The following KIDINS220 variants were observed in gnomAD, a reference collection of about 807,000 sequenced individuals.
The protein encoded by KIDINS220 is kinase D interacting substrate 220, also known as kinase D-interacting substrate of 220 kDa.
Under a neutral mutation model 157.6 loss-of-function variants are expected in KIDINS220, and 63 were observed. The observed-to-expected ratio is 0.40, with a 90% CI of 0.33 to 0.49. The LOEUF is 0.49. Ranked by LOEUF, KIDINS220 falls within the 20% of genes least tolerant of loss-of-function variation. The pLI, the probability that KIDINS220 is intolerant of heterozygous loss-of-function variation, is 0.66. For missense variants in KIDINS220, 1,772 were observed against 2,171.2 expected (o/e 0.82, Z 3.65); for synonymous variants, 732 against 783.6 (o/e 0.93, Z 1.10).
intron 20 of KIDINS220, among the ~76,000 whole-genome samples, chr2:8,778,314 C>A (rs1181599904): frequency 4.6e-5 from 7 of 152,168 alleles, no homozygotes; most frequent in Non-Finnish European, 1.0e-4. Flanking sequence ...GCTATGGTGG[C>A]AACAGGCATA....
At chr2:8,786,961 T>C (rs1370569218) in intron 15 of KIDINS220, among the ~76,000 whole-genome samples, 1 of 152,212 alleles carries the variant, frequency 6.6e-6, no homozygotes, top group Non-Finnish European at 1.5e-5. Flanking sequence ...AGTCTCTGAA[T>C]CATTATTATT....
chr2:8,799,203 TTCTAATTTTC>T (rs994211864), intron 9 of KIDINS220, among the ~76,000 whole-genome samples: 22 of 152,084 alleles, frequency 1.4e-4, no homozygotes, highest in African/African-American at 4.6e-4. Flanking sequence ...GTCTTTCACT[TTCTAATTTTC>T]TCTAATTTTC....
intron 22 of KIDINS220, among the ~76,000 whole-genome samples, chr2:8,769,202 G>A (rs953268217): frequency 6.6e-6 from 1 of 152,162 alleles, no homozygotes; most frequent in African/African-American, 2.4e-5. Context: ...AGTACCTGAC[G>A]TGAAGGAAGG....
intron 22 of KIDINS220, among the ~76,000 whole-genome samples, chr2:8,763,344 G>A (rs1010711082): frequency 3.3e-5 from 5 of 152,058 alleles, no homozygotes; most frequent in Admixed American, 1.3e-4. Flanking sequence ...TGGGAGTTTC[G>A]GCAGTACCAG....
downstream of KIDINS220, chr2:8,721,438 T>A (rs1662954021): frequency 6.6e-6 from 1 of 152,230 alleles, no homozygotes; most frequent in Non-Finnish European, 1.5e-5. Flanking sequence ...AAATAATTAG[T>A]AGGAACAAAG....
intron 7 of KIDINS220, among the ~76,000 whole-genome samples, chr2:8,804,952 A>G (rs896700168): frequency 1.3e-5 from 2 of 152,152 alleles, no homozygotes; most frequent in African/African-American, 4.8e-5. Flanking sequence ...TCCCATGCCA[A>G]TGAAAGCTCA....
intron 25 of KIDINS220, 177 bp from the exon 26 acceptor site, chr2:8,747,378 T>C: frequency 1.7e-6 from 1 of 586,816 alleles, no homozygotes; most frequent in East Asian, 2.8e-5. Flanking sequence ...AACTATTACT[T>C]TTATCATCAG....
At chr2:8,813,524 T>A (rs1339555934) in intron 4 of KIDINS220, among the ~76,000 whole-genome samples, 189 bp from the exon 5 acceptor site, 1 of 152,226 alleles carries the variant, frequency 6.6e-6, no homozygotes, top group Admixed American at 6.5e-5. Flanking sequence ...ATCTCTTGCA[T>A]CCACAAATGG....
chr2:8,791,260 G>C (rs199734152), intron 12 of KIDINS220, 36 bp from the exon 13 acceptor site: 98 of 1,537,948 alleles, frequency 6.4e-5, no homozygotes, highest in Middle Eastern at 1.7e-4. Context: ...ACATTAAACA[G>C]TGGCATTACT....
intron 21 of KIDINS220, among the ~76,000 whole-genome samples, chr2:8,771,102 T>C (rs1488272703): frequency 1.3e-5 from 2 of 152,214 alleles, no homozygotes; most frequent in African/African-American, 4.8e-5. Flanking sequence ...ACCACGTATA[T>C]GCAGGCAAAC....
At chr2:8,746,713 TA>T (rs1240166872) in intron 26 of KIDINS220, 1 of 158,002 alleles carries the variant, frequency 6.3e-6, no homozygotes, top group Non-Finnish European at 1.4e-5. Flanking sequence ...CCATCTAGCT[TA>T]TGTGTCTTTT....
At chr2:8,815,735 T>G (rs1440056490) in intron 4 of KIDINS220, among the ~76,000 whole-genome samples, 1 of 152,154 alleles carries the variant, frequency 6.6e-6, no homozygotes, top group African/African-American at 2.4e-5. Context: ...GAGATAAAAT[T>G]TTAATCTCAA....
intron 2 of KIDINS220, 170 bp downstream of exon 2, chr2:8,826,816 C>A (rs992246165): frequency 2.7e-5 from 10 of 375,830 alleles, no homozygotes; most frequent in Non-Finnish European, 4.8e-5. Flanking sequence ...AAAATGTACT[C>A]CAAAAACATG....
chr2:8,749,401 C>T (rs960809973), intron 24 of KIDINS220: 1 of 456,066 alleles, frequency 2.2e-6, no homozygotes, highest in African/African-American at 2.0e-5. Flanking sequence ...AAGTGTAACC[C>T]CAGGTTCATG....
downstream of KIDINS220, chr2:8,722,187 G>T (rs1662995518): frequency 6.6e-6 from 1 of 152,056 alleles, no homozygotes; most frequent in Non-Finnish European, 1.5e-5. Flanking sequence ...AAAAAATGTT[G>T]TCATAGATTT....
At chr2:8,796,360 A>T (rs574514716) in intron 11 of KIDINS220, among the ~76,000 whole-genome samples, 1 of 152,370 alleles carries the variant, frequency 6.6e-6, no homozygotes, top group Admixed American at 6.5e-5. Flanking sequence ...AAAGGATTAT[A>T]GCAAGGACAC....
chr2:8,774,027 C>T (rs1243288963), intron 21 of KIDINS220, among the ~76,000 whole-genome samples: 1 of 152,028 alleles, frequency 6.6e-6, no homozygotes. Flanking sequence ...GATAGAATGC[C>T]GGGCATAGTG....
At chr2:8,751,666 A>C in intron 22 of KIDINS220, 22 bp from the exon 23 acceptor site, 3 of 1,523,784 alleles carry the variant, frequency 2.0e-6, no homozygotes, top group Non-Finnish European at 2.7e-6. Flanking sequence ...AAATCAATGA[A>C]AAAGGTTATT....
intron 8 of KIDINS220, 148 bp downstream of exon 8, chr2:8,802,781 GT>G: frequency 1.6e-6 from 1 of 629,838 alleles, no homozygotes; most frequent in South Asian, 2.1e-5. Flanking sequence ...CTATTGAACA[GT>G]TTTTAACTTA....
Sources: allele counts gnomAD v4.1 joint callset (sites outside exome capture counted in the v4.1 genomes callset), GRCh38; gene constraint gnomAD v4.1.1; transcripts MANE v1.5; gene names NCBI Gene and HGNC (gene_info 2026-07-23, HGNC 2026-07-21).